The following SLC25A48 variants were observed in gnomAD, a reference collection of about 807,000 sequenced individuals.
The protein encoded by SLC25A48 is solute carrier family 25 member 48.
In SLC25A48, 29 loss-of-function variants were observed where a neutral mutation model predicts 32.2. The ratio of observed to expected loss-of-function variants is 0.90; its 90% CI spans 0.67 to 1.23. SLC25A48 has a LOEUF of 1.23. SLC25A48 is among the 50% of genes most tolerant of loss of function. The pLI is 0.00. For synonymous variants in SLC25A48, 164 were observed against 172.3 expected, an observed-to-expected ratio of 0.95 and a Z score of 0.38; for missense variants, 399 against 422.7, an observed-to-expected ratio of 0.94 and a Z score of 0.49.
intron 2 of SLC25A48, 78 bp from the exon 3 acceptor site, chr5:135,850,346 CT>C (rs1204378025): frequency 1.4e-6 from 2 of 1,453,392 alleles, no homozygotes; most frequent in Admixed American, 3.4e-5. Context: ...TGAGCAGGGC[CT>C]TTCCCTCTGG....
intron 4 of SLC25A48, 37 bp from the exon 5 acceptor site, chr5:135,871,424 T>TG (rs1314473143): frequency 6.4e-7 from 1 of 1,557,926 alleles, no homozygotes; most frequent in East Asian, 2.3e-5. Context: ...TCTTACACCC[T>TG]GGGTCACTTG....
chr5:135,620,919 C>T (rs146906376), intron 1 of SLC25A48, among the ~76,000 whole-genome samples: 12 of 152,262 alleles, frequency 7.9e-5, no homozygotes, highest in African/African-American at 1.9e-4. Flanking sequence ...ACCCCTTCCC[C>T]GCGTTAGGGA....
Position 135,582,419 on chromosome 5 carries a change from C to T in SLC25A48, c.-849+2822C>T, listed in dbSNP as rs1369647953. Among the ~76,000 whole-genome samples, 6 of 152,032 alleles carry T rather than the reference C, an allele frequency of 3.9e-5. No individual in the cohort carries two copies. The East Asian group carries it at 1.2e-3, about 29-fold the overall frequency. ...CTGGAGGGTGGTTGGTGCTAGGAGACTCATCAGGGGATCTGACAGGGTGAC... is the reference window on the plus strand; with the variant it reads ...CTGGAGGGTGGTTGGTGCTAGGAGATTCATCAGGGGATCTGACAGGGTGAC... On this transcript the variant is annotated intron_variant, in intron 1 of 10. Transcript: ENST00000646290.
At chr5:135,859,122 A>G (rs557886515) in intron 4 of SLC25A48, among the ~76,000 whole-genome samples, 1 of 152,290 alleles carries the variant, frequency 6.6e-6, no homozygotes, top group Admixed American at 6.5e-5. Flanking sequence ...GCTAACATAC[A>G]TGTAACCTCC....
At chr5:135,874,532 G>A in intron 6 of SLC25A48, 1 of 564,422 alleles carries the variant, frequency 1.8e-6, no homozygotes, top group South Asian at 2.2e-5. Context: ...CCTCCTCCCA[G>A]TGGGAAGTGC....
intron 3 of SLC25A48, among the ~76,000 whole-genome samples, chr5:135,792,261 G>A (rs1246841861): frequency 6.6e-6 from 1 of 151,780 alleles, no homozygotes; most frequent in Non-Finnish European, 1.5e-5. Flanking sequence ...TCTATAGCAT[G>A]TGTGTACAAC....
At chr5:135,691,089 T>C (rs978155684) in intron 3 of SLC25A48, among the ~76,000 whole-genome samples, 3 of 152,224 alleles carry the variant, frequency 2.0e-5, no homozygotes, top group Non-Finnish European at 4.4e-5. Context: ...GTATCAAGTA[T>C]CAAGTAATGA....
Position 135,834,882 on chromosome 5 carries a change from G to T in SLC25A48, c.35G>T (p.Gly12Val). 1.2e-6 allele frequency: 2 copies of T among 1,603,758 alleles called. No homozygotes were observed. Among genetic ancestry groups the T allele is most frequent in the Non-Finnish European group, 1.7e-6 (2 of 1,176,070 alleles). ...TTCCAGCTGGAAGACTTTGCGGCGGGCTGGATCGGAGGTGAGTGTGCTTAC... is the reference window on the plus strand; with the variant it reads ...TTCCAGCTGGAAGACTTTGCGGCGGTCTGGATCGGAGGTGAGTGTGCTTAC... ...GSFQLEDFAA[G>V]WIGGAASVIV... The change falls in exon 1 of 8, where the codon GGC becomes GTC. Residue 12 changes from glycine to valine, a missense_variant. Gly to Val is a moderately radical substitution (Grantham distance 109, BLOSUM62 -3). Transcript: ENST00000681962.
intron 3 of SLC25A48, among the ~76,000 whole-genome samples, chr5:135,691,790 G>T (rs762422797): frequency 5.3e-5 from 8 of 152,198 alleles, no homozygotes; most frequent in Non-Finnish European, 1.0e-4. Context: ...ACCTGGGGTT[G>T]TGTAAGGCTT....
At chr5:135,811,974 C>G (rs1757597511) in intron 3 of SLC25A48, among the ~76,000 whole-genome samples, 1 of 152,038 alleles carries the variant, frequency 6.6e-6, no homozygotes, top group South Asian at 2.1e-4. Context: ...CCCAGCTACT[C>G]AGGAAGCTGA....
chr5:135,646,345 G>A (rs1404607768), intron 3 of SLC25A48, among the ~76,000 whole-genome samples: 1 of 151,888 alleles, frequency 6.6e-6, no homozygotes, highest in Non-Finnish European at 1.5e-5. Context: ...ATTTAGACTT[G>A]GATTTCCATT....
chr5:135,888,233 A>T lies in SLC25A48; in HGVS notation c.*209A>T. On this transcript the variant is annotated 3_prime_UTR_variant, in exon 8 of 8. Transcript: ENST00000681962. ...CTGATTCAAGCCCTCCAAGGTTCTG[A>T]TCCCCAATGCCCACTCTGCTAGGCT... 2 of 649,930 alleles carry T rather than the reference A, an allele frequency of 3.1e-6. No homozygotes were observed. 40.3% of individuals were successfully genotyped at this position (649,930 alleles called of 1,614,324 possible).
intron 4 of SLC25A48, among the ~76,000 whole-genome samples, chr5:135,861,346 A>G (rs964378722): frequency 6.6e-6 from 1 of 151,034 alleles, no homozygotes; most frequent in East Asian, 2.0e-4. Flanking sequence ...CACACACTGA[A>G]AGAGTCTATG....
chr5:135,654,329 G>A (rs541956980), intron 3 of SLC25A48, among the ~76,000 whole-genome samples: 5 of 152,312 alleles, frequency 3.3e-5, no homozygotes, highest in Admixed American at 2.6e-4. Flanking sequence ...CTCAGGAGTC[G>A]ATTCCAATAT....
chr5:135,808,445 T>A (rs1290084202), intron 3 of SLC25A48, among the ~76,000 whole-genome samples: 1 of 152,034 alleles, frequency 6.6e-6, no homozygotes, highest in Non-Finnish European at 1.5e-5. Flanking sequence ...ACAAAAAAAC[T>A]TTTTTTCCCT....
chr5:135,818,699 A>G (rs1467385419), intron 4 of SLC25A48, among the ~76,000 whole-genome samples: 1 of 152,228 alleles, frequency 6.6e-6, no homozygotes, highest in Non-Finnish European at 1.5e-5. Flanking sequence ...CCCAGCATAC[A>G]AATGACCAGA....
chr5:135,604,710 G>A (rs1751890285), intron 1 of SLC25A48, among the ~76,000 whole-genome samples: 1 of 152,206 alleles, frequency 6.6e-6, no homozygotes, highest in African/African-American at 2.4e-5. Flanking sequence ...GGACTTTGAG[G>A]TCTTAAATTC....
At chr5:135,700,783 T>C (rs1035604401) in intron 3 of SLC25A48, among the ~76,000 whole-genome samples, 5 of 152,226 alleles carry the variant, frequency 3.3e-5, no homozygotes, top group Non-Finnish European at 7.3e-5. Flanking sequence ...TGGCTCCCCA[T>C]GTCTGCAGCT....
Position 135,692,025 on chromosome 5 carries a change from A to C in SLC25A48, c.-521+57069A>C, listed in dbSNP as rs147426731. ...CTTCAAGCTAACAAATCTTTAAAAA[A>C]GAGGTAGGCAGTCCGGGCGCGGTGG... On this transcript the variant is annotated intron_variant, in intron 3 of 10. Coordinates refer to the SLC25A48 transcript ENST00000646290. Among the ~76,000 whole-genome samples the C allele has an allele frequency of 1.7e-3, 255 of 152,310 alleles. 1 individual carries two copies. Among genetic ancestry groups the C allele is most frequent in the African/African-American group, 5.7e-3 (239 of 41,576 alleles).
Sources: gnomAD v4.1 joint callset for allele counts (sites outside exome capture counted in the v4.1 genomes callset) on GRCh38, gnomAD v4.1.1 for gene constraint, MANE v1.5 for transcripts, NCBI Gene and HGNC (gene_info 2026-07-23, HGNC 2026-07-21) for gene names.